CEP135: variants seen among roughly 807,000 people sequenced by gnomAD.
CEP135 encodes centrosomal protein of 135 kDa.
Under a neutral mutation model 157.3 loss-of-function variants are expected in CEP135, and 142 were observed. The observed-to-expected ratio is 0.90, with a 90% CI of 0.79 to 1.04. CEP135 has a LOEUF of 1.04. Among genes scored for constraint, CEP135 ranks in the 50% least tolerant of loss-of-function variants. CEP135 has a pLI of 0.00. For missense variants in CEP135, 1,317 were observed against 1,309.2 expected (o/e 1.01, Z -0.09); for synonymous variants, 396 against 439.8 (o/e 0.90, Z 1.25).
At chr4:56,011,311 C>A in intron 19 of CEP135, 101 bp from the exon 20 acceptor site, 1 of 789,346 alleles carries the variant, frequency 1.3e-6, no homozygotes. Flanking sequence ...TTTTGCCCTA[C>A]TCTATCTTAT....
At chr4:55,970,176 C>A (rs1474800501) in intron 9 of CEP135, among the ~76,000 whole-genome samples, 1 of 152,016 alleles carries the variant, frequency 6.6e-6, no homozygotes, top group East Asian at 1.9e-4. Flanking sequence ...CCAGCCCAGT[C>A]CTCTTTTAAT....
chr4:55,970,720 A>G (rs1253552665), intron 9 of CEP135, among the ~76,000 whole-genome samples: 4 of 152,158 alleles, frequency 2.6e-5, no homozygotes, highest in African/African-American at 9.7e-5. Context: ...AATTCTATGT[A>G]TTTTTGAGAT....
At chr4:55,966,280 T>C in intron 8 of CEP135, 2 of 156,620 alleles carry the variant, frequency 1.3e-5, no homozygotes, top group Non-Finnish European at 2.8e-5. Flanking sequence ...GCAACCCCCG[T>C]CTCCCCAGTT....
intron 17 of CEP135, among the ~76,000 whole-genome samples, chr4:56,003,000 A>G (rs553492054): frequency 3.3e-5 from 5 of 152,186 alleles, no homozygotes; most frequent in South Asian, 2.1e-4. Flanking sequence ...AGGTTTTCCA[A>G]TTTGTTGACA....
intron 14 of CEP135, among the ~76,000 whole-genome samples, chr4:55,986,899 A>G (rs1729606941): frequency 6.6e-6 from 1 of 152,114 alleles, no homozygotes; most frequent in Non-Finnish European, 1.5e-5. Context: ...TCACCTCATC[A>G]TGGATTATAT....
At position 55,957,221 on chromosome 4, in the gene CEP135, A is replaced by G. The variant is rs1247193961; in HGVS notation, c.473-2A>G. ...GTTTTTTAAGACACTCATTCTTTTT[A>G]GGTGGCAAGAAAAGAAGTATTGCTT... On this transcript the variant is annotated splice_acceptor_variant, in intron 4 of 25. Coordinates refer to ENST00000257287, the MANE Select transcript of CEP135 (RefSeq NM_025009.5). LOFTEE classifies it high-confidence loss of function. 6.2e-7 allele frequency: 1 copy of G among 1,610,694 alleles called. No individual in the cohort carries two copies. Among genetic ancestry groups the G allele is most frequent in the African/African-American group, 1.3e-5 (1 of 74,830 alleles).
chr4:56,010,362 A>C (rs76857881), intron 19 of CEP135, among the ~76,000 whole-genome samples: 10,383 of 55,120 alleles, frequency 0.19, 409 homozygotes, highest in Admixed American at 0.21. Context: ...ACTCCATCCA[A>C]AAAAAAAAAA....
In CEP135 at chr4:56,024,564, G is replaced by A; in HGVS notation, c.3384G>A (p.Leu1128=). 1 of 1,613,786 alleles carries A rather than the reference G, an allele frequency of 6.2e-7. No individual in the cohort carries two copies. Among genetic ancestry groups the A allele is most frequent in the South Asian group, 1.1e-5 (1 of 91,078 alleles). The change falls in exon 25 of 26, where the codon CTG becomes CTA. Residue 1128 remains leucine (L), a synonymous_variant. Transcript: ENST00000257287. ...CTACACCACCCCTTAGTTCCACTCT[G>A]AGGTCTCCTTCACATTCTCCTGAAC... ...GLATPPLSST[L]RSPSHSPEHR...
At chr4:55,982,557 A>AT (rs1184597539) in intron 13 of CEP135, among the ~76,000 whole-genome samples, 1 of 152,040 alleles carries the variant, frequency 6.6e-6, no homozygotes, top group East Asian at 1.9e-4. Context: ...CTTATTGGCC[A>AT]TTTTTATATC....
At chr4:55,956,767 C>T (rs996124356) in intron 4 of CEP135, among the ~76,000 whole-genome samples, 7 of 152,142 alleles carry the variant, frequency 4.6e-5, no homozygotes, top group Admixed American at 1.3e-4. Flanking sequence ...CCCGTTACCA[C>T]GCCCAGCTAA....
intron 14 of CEP135, among the ~76,000 whole-genome samples, chr4:55,987,006 A>G (rs1311671055): frequency 6.6e-6 from 1 of 152,204 alleles, no homozygotes; most frequent in African/African-American, 2.4e-5. Flanking sequence ...TTGTATTACT[A>G]TGAAATACTG....
At position 55,952,166 on chromosome 4, in the gene CEP135, T is replaced by A. The variant is rs759706679; in HGVS notation, c.36T>A (p.Ile12=). Residue 12 remains isoleucine (I), a synonymous_variant, in exon 2 of 26, where the codon ATT becomes ATA. Coordinates refer to ENST00000257287, the MANE Select transcript of CEP135 (RefSeq NM_025009.5). The part of the protein sequence containing the change: ...TTAVERKYIN[I]RKRLDQLGYR... Reference sequence around the variant, plus strand: ...CTGTAGAGAGAAAGTATATTAATATTAGGAAAAGGCTGGATCAGCTGGGAT... The same window carrying A: ...CTGTAGAGAGAAAGTATATTAATATAAGGAAAAGGCTGGATCAGCTGGGAT... The A allele has an allele frequency of 5.0e-6, 8 of 1,612,444 alleles. No individual in the cohort carries two copies. In the East Asian group the frequency reaches 1.8e-4, roughly 36 times the overall value.
At chr4:56,020,823 T>C in intron 24 of CEP135, 43 bp downstream of exon 24, 2 of 1,411,556 alleles carry the variant, frequency 1.4e-6, no homozygotes, top group Non-Finnish European at 2.0e-6. Flanking sequence ...TTTTATGTGT[T>C]CTCTATTGTA....
Position 55,971,418 on chromosome 4 carries a change from C to T in CEP135, c.1249+10C>T, listed in dbSNP as rs2109667536. ...AGTTTTGCAGTTACAGGTAAGATGTCAAATTTTGATAGCTAAAGAATGATT... is the reference window on the plus strand; with the variant it reads ...AGTTTTGCAGTTACAGGTAAGATGTTAAATTTTGATAGCTAAAGAATGATT... On this transcript the variant is annotated intron_variant, in intron 10 of 25. Transcript: ENST00000257287. 1 of 1,584,798 alleles carries T rather than the reference C, an allele frequency of 6.3e-7. No homozygotes were observed. The highest frequency in any genetic ancestry group is 2.3e-5 in the East Asian group (1 of 44,266).
chr4:56,003,368 T>C (rs1322157583), intron 17 of CEP135, among the ~76,000 whole-genome samples: 2 of 151,634 alleles, frequency 1.3e-5, no homozygotes, highest in East Asian at 3.9e-4. Flanking sequence ...ACCACACCTG[T>C]CTAATTTCTT....
chr4:55,949,412 T>C (rs562380518), intron 1 of CEP135, among the ~76,000 whole-genome samples: 2 of 152,328 alleles, frequency 1.3e-5, no homozygotes, highest in African/African-American at 4.8e-5. Flanking sequence ...AGTGTAGCAG[T>C]CATCCATGCT....
At chr4:55,979,798 G>A (rs1173008722) in intron 11 of CEP135, among the ~76,000 whole-genome samples, 1 of 152,160 alleles carries the variant, frequency 6.6e-6, no homozygotes, top group Non-Finnish European at 1.5e-5. Flanking sequence ...TGTCTGACAA[G>A]CTTTTAGATA....
chr4:55,982,334 G>C (rs1729440103), intron 13 of CEP135, among the ~76,000 whole-genome samples: 1 of 152,092 alleles, frequency 6.6e-6, no homozygotes, highest in Non-Finnish European at 1.5e-5. Context: ...GTATATTCCT[G>C]GTCATATGGT....
intron 9 of CEP135, 77 bp downstream of exon 9, chr4:55,969,205 C>A: frequency 1.7e-6 from 2 of 1,184,618 alleles, no homozygotes; most frequent in Non-Finnish European, 2.5e-6. Flanking sequence ...GGTTTATCAC[C>A]TGAGGTCAGG....
Sources: allele counts gnomAD v4.1 joint callset (sites outside exome capture counted in the v4.1 genomes callset), GRCh38; gene constraint gnomAD v4.1.1; transcripts MANE v1.5; gene names NCBI Gene and HGNC (gene_info 2026-07-23, HGNC 2026-07-21).